The following CFAP299 variants were observed in gnomAD, a reference collection of about 807,000 sequenced individuals.
The protein encoded by CFAP299 is cilia- and flagella-associated protein 299.
CFAP299 carries 21 observed loss-of-function variants against 27.0 expected under a neutral mutation model. That is an observed-to-expected ratio of 0.78 (90% CI 0.55 to 1.12). The LOEUF is 1.12. Ranked by LOEUF, CFAP299 falls within the 50% of genes most tolerant of loss-of-function variation. The pLI is 0.00. For missense variants in CFAP299, 310 were observed against 276.6 expected (o/e 1.12, Z -0.86); for synonymous variants, 104 against 98.1 (o/e 1.06, Z -0.36).
At chr4:80,952,035 G>A (rs1170501026) in intron 5 of CFAP299, among the ~76,000 whole-genome samples, 1 of 152,136 alleles carries the variant, frequency 6.6e-6, no homozygotes, top group Non-Finnish European at 1.5e-5. Context: ...CGCATTCTTT[G>A]CTATTACTGC....
chr4:80,908,030 T>C (rs1024416997), intron 4 of CFAP299, among the ~76,000 whole-genome samples: 2 of 152,186 alleles, frequency 1.3e-5, no homozygotes, highest in African/African-American at 4.8e-5. Context: ...GTCCATAACA[T>C]TTTTCATCAT....
At chr4:80,355,058 C>T (rs951443709) in intron 1 of CFAP299, among the ~76,000 whole-genome samples, 13 of 152,140 alleles carry the variant, frequency 8.5e-5, no homozygotes, top group South Asian at 4.2e-4. Flanking sequence ...ATTTCTGGGA[C>T]GAATGGTATT....
chr4:80,791,837 C>CAT lies in CFAP299; in HGVS notation c.334-78155_334-78154insTA, dbSNP rs1317648458. 4.1e-3 allele frequency among the ~76,000 whole-genome samples: 618 copies of CAT among 151,182 alleles called. 1 individual carries two copies. Among genetic ancestry groups the CAT allele is most frequent in the African/African-American group, 0.014 (579 of 41,008 alleles). On this transcript the variant is annotated intron_variant, in intron 3 of 5. Transcript: ENST00000358105. The stretch of plus-strand genomic sequence containing the variant: ...ATTCCCTCACAGAATGACATATTGA[C>CAT]AGATATATATATATATACATATATA...
At chr4:80,628,709 A>T (rs1257932419) in intron 3 of CFAP299, among the ~76,000 whole-genome samples, 2 of 152,206 alleles carry the variant, frequency 1.3e-5, no homozygotes, top group Non-Finnish European at 2.9e-5. Flanking sequence ...ACAAATGGTT[A>T]AAAAGTATGT....
At position 80,661,859 on chromosome 4, in the gene CFAP299, C is replaced by T. The variant is rs567761392; in HGVS notation, c.333+78676C>T. ...AGGAACATCCCTGAGAAAGAGAATG[C>T]GTCCCTAAGGGGAGGCCTCTGAAAT... is the stretch of plus-strand genomic sequence containing the variant. On this transcript the variant is annotated intron_variant, in intron 3 of 5. Transcript: ENST00000358105. Among the ~76,000 whole-genome samples, 94 of 152,248 alleles carry T rather than the reference C, an allele frequency of 6.2e-4. No individual in the cohort carries two copies. The South Asian group carries it at 0.014, about 23-fold the overall frequency.
chr4:80,475,976 G>A (rs1369825171), intron 2 of CFAP299, among the ~76,000 whole-genome samples: 1 of 152,202 alleles, frequency 6.6e-6, no homozygotes, highest in Admixed American at 6.5e-5. Flanking sequence ...TCAACTCTTA[G>A]TAGTTTCCAG....
intron 2 of CFAP299, among the ~76,000 whole-genome samples, chr4:80,462,427 G>A (rs998344678): frequency 2.0e-5 from 3 of 151,996 alleles, no homozygotes; most frequent in Admixed American, 6.6e-5. Context: ...TCTTGCTAAC[G>A]TCAACAAAGA....
At chr4:80,386,512 T>TCGG (rs942918285) in intron 2 of CFAP299, 2 of 1,461,798 alleles carry the variant, frequency 1.4e-6, no homozygotes, top group African/African-American at 3.0e-5. Context: ...CGGGCGGTGG[T>TCGG]GGGGGGGGGG....
chr4:80,330,003 T>C, the CFAP299 span, among the ~76,000 whole-genome samples: 1 of 152,110 alleles, frequency 6.6e-6, no homozygotes, highest in Non-Finnish European at 1.5e-5. Flanking sequence ...ATTATTTGAG[T>C]TTATTATGTA....
At chr4:80,443,368 G>A (rs1451643337) in intron 2 of CFAP299, among the ~76,000 whole-genome samples, 1 of 152,166 alleles carries the variant, frequency 6.6e-6, no homozygotes, top group Non-Finnish European at 1.5e-5. Context: ...ATGCAAGGCT[G>A]GTTCAACATG....
At chr4:80,558,609 T>C (rs1052888911) in intron 2 of CFAP299, among the ~76,000 whole-genome samples, 2 of 151,964 alleles carry the variant, frequency 1.3e-5, no homozygotes, top group African/African-American at 4.8e-5. Context: ...GCAGAGATGA[T>C]TTCATAGGAA....
intron 5 of CFAP299, among the ~76,000 whole-genome samples, chr4:80,962,413 C>A (rs1404015734): frequency 6.6e-6 from 1 of 151,846 alleles, no homozygotes; most frequent in Non-Finnish European, 1.5e-5. Context: ...CCACTGGGCA[C>A]AATTATTTTG....
chr4:80,395,616 A>G (rs1725736730), intron 2 of CFAP299, among the ~76,000 whole-genome samples: 1 of 152,144 alleles, frequency 6.6e-6, no homozygotes, highest in Non-Finnish European at 1.5e-5. Context: ...AGTTTAAGGA[A>G]GAAGCATAAA....
At chr4:80,945,027 ACT>A in intron 5 of CFAP299, 88 bp downstream of exon 5, 1 of 1,260,354 alleles carries the variant, frequency 7.9e-7, no homozygotes, top group Non-Finnish European at 1.1e-6. Flanking sequence ...AATATTTGAC[ACT>A]CTTAAGTTGT....
chr4:80,783,767 T>C (rs769787561), intron 3 of CFAP299, among the ~76,000 whole-genome samples: 10 of 152,160 alleles, frequency 6.6e-5, no homozygotes, highest in East Asian at 1.9e-4. Flanking sequence ...CAACAAAATA[T>C]CCTAAATTGT....
At chr4:80,557,100 T>C (rs1425484981) in intron 2 of CFAP299, among the ~76,000 whole-genome samples, 4 of 152,056 alleles carry the variant, frequency 2.6e-5, no homozygotes, top group African/African-American at 9.7e-5. Flanking sequence ...GATCAACACT[T>C]CAAGAAAGTC....
chr4:80,582,792 C>T (rs1363335561), intron 2 of CFAP299, among the ~76,000 whole-genome samples: 8 of 151,670 alleles, frequency 5.3e-5, no homozygotes, highest in Admixed American at 2.6e-4. Context: ...GTGAGCCATA[C>T]GAACATGTTG....
At chr4:80,788,270 T>G (rs1417437509) in intron 3 of CFAP299, among the ~76,000 whole-genome samples, 2 of 150,872 alleles carry the variant, frequency 1.3e-5, no homozygotes, top group Non-Finnish European at 2.9e-5. Flanking sequence ...CTGAGCACAG[T>G]GTCTAACTCT....
intron 2 of CFAP299, among the ~76,000 whole-genome samples, chr4:80,490,287 T>C (rs1007168823): frequency 6.6e-6 from 1 of 152,232 alleles, no homozygotes; most frequent in African/African-American, 2.4e-5. Flanking sequence ...ACTTTTTCAA[T>C]TATGTGGAAT....
Sources: allele counts gnomAD v4.1 joint callset (sites outside exome capture counted in the v4.1 genomes callset), GRCh38; gene constraint gnomAD v4.1.1; transcripts MANE v1.5; gene names NCBI Gene and HGNC (gene_info 2026-07-23, HGNC 2026-07-21).